Variants in CSMD2 observed in about 807,000 individuals in gnomAD.
CSMD2 encodes the protein CUB and Sushi multiple domains 2, also known as CUB and sushi domain-containing protein 2.
CSMD2 carries 130 observed loss-of-function variants against 398.5 expected under a neutral mutation model. The ratio of observed to expected loss-of-function variants is 0.33; its 90% CI spans 0.28 to 0.38. The LOEUF (loss-of-function observed/expected upper bound fraction) is 0.38, where lower values mean the gene tolerates loss of function less well. Among genes scored for constraint, CSMD2 ranks in the 10% least tolerant of loss-of-function variants. CSMD2 has a pLI of 1.00. For missense variants in CSMD2, 3,829 were observed against 4,764.9 expected, an observed-to-expected ratio of 0.80 and a Z score of 5.78; for synonymous variants, 1,828 against 1,908.5, an observed-to-expected ratio of 0.96 and a Z score of 1.10.
intron 3 of CSMD2, among the ~76,000 whole-genome samples, chr1:33,949,160 C>A (rs983881975): frequency 6.6e-6 from 1 of 152,202 alleles, no homozygotes; most frequent in Non-Finnish European, 1.5e-5. Flanking sequence ...GCTTAGAGAG[C>A]TGTTGAGAGG....
chr1:34,065,985 A>G (rs1272079156), intron 2 of CSMD2, among the ~76,000 whole-genome samples: 1 of 152,204 alleles, frequency 6.6e-6, no homozygotes, highest in Admixed American at 6.5e-5. Context: ...TGGTCAAGAC[A>G]TAATGGTCAA....
intron 13 of CSMD2, among the ~76,000 whole-genome samples, chr1:33,753,736 G>A (rs1648591151): frequency 6.6e-6 from 1 of 152,264 alleles, no homozygotes; most frequent in Non-Finnish European, 1.5e-5. Context: ...CAGAGGCACA[G>A]CTGTCCAAGG....
intron 44 of CSMD2, among the ~76,000 whole-genome samples, chr1:33,597,502 G>A (rs575727901): frequency 4.9e-4 from 74 of 152,316 alleles, no homozygotes; most frequent in Non-Finnish European, 9.1e-4. Context: ...TGAACACTCA[G>A]TAACACAGGA....
chr1:33,984,768 G>T (rs1226104532), intron 3 of CSMD2, among the ~76,000 whole-genome samples: 1 of 151,718 alleles, frequency 6.6e-6, no homozygotes, highest in Non-Finnish European at 1.5e-5. Flanking sequence ...GGGTGACAGA[G>T]TGAGACCCTG....
chr1:33,883,908 G>T (rs543219928), intron 5 of CSMD2, among the ~76,000 whole-genome samples: 1 of 152,316 alleles, frequency 6.6e-6, no homozygotes, highest in Non-Finnish European at 1.5e-5. Context: ...GAGAGGGTCA[G>T]CCCTAGAAGG....
chr1:33,898,181 C>A (rs1340022102), intron 5 of CSMD2, among the ~76,000 whole-genome samples: 1 of 152,184 alleles, frequency 6.6e-6, no homozygotes, highest in African/African-American at 2.4e-5. Flanking sequence ...ATTTCTCTTG[C>A]AGTCATGATA....
In CSMD2 at chr1:33,848,461, G is replaced by C. The variant is rs137929690; in HGVS notation, c.921-1465C>G. On this transcript the variant is annotated intron_variant, in intron 5 of 70. Transcript: ENST00000373381. ...TGATCTAGCCCAACTGGAAGCCAGAGAGCAAGAGAGCATACTGATGCAGCC... is the reference window on the plus strand; with the variant it reads ...TGATCTAGCCCAACTGGAAGCCAGACAGCAAGAGAGCATACTGATGCAGCC... Among the ~76,000 whole-genome samples, 84 of 152,294 alleles carry C rather than the reference G, an allele frequency of 5.5e-4. 2 individuals carry two copies. The East Asian group carries it at 8.7e-3, about 16-fold the overall frequency.
intron 1 of CSMD2, among the ~76,000 whole-genome samples, chr1:34,103,761 AAC>A (rs145354161): frequency 5.2e-4 from 79 of 151,556 alleles, no homozygotes; most frequent in Non-Finnish European, 1.1e-3. Context: ...AATGATGGCA[AAC>A]ACACACACAC....
chr1:33,865,175 C>T (rs926841999), intron 5 of CSMD2, among the ~76,000 whole-genome samples: 18 of 151,528 alleles, frequency 1.2e-4, no homozygotes, highest in East Asian at 5.9e-4. Flanking sequence ...AGGAACATGA[C>T]GTCTGACTCT....
At chr1:33,893,911 G>T (rs1642212569) in intron 5 of CSMD2, among the ~76,000 whole-genome samples, 1 of 152,190 alleles carries the variant, frequency 6.6e-6, no homozygotes. Context: ...GGCTGATACT[G>T]GACTTTGAGG....
At chr1:33,892,290 TAAA>T (rs1362757591) in intron 5 of CSMD2, among the ~76,000 whole-genome samples, 2 of 151,528 alleles carry the variant, frequency 1.3e-5, no homozygotes, top group African/African-American at 4.9e-5. Flanking sequence ...AAAATAGGAT[TAAA>T]AATTTTAATC....
chr1:34,132,089 G>A (rs749604614), intron 1 of CSMD2, among the ~76,000 whole-genome samples: 4 of 152,020 alleles, frequency 2.6e-5, no homozygotes, highest in African/African-American at 4.8e-5. Flanking sequence ...CTTCACTGAT[G>A]AGGTGACTCA....
rs1451589411 is a variant in CSMD2 at position 34,164,811 on chromosome 1, G to A, written c.187+100C>T. 46 of 1,029,812 alleles carry A rather than the reference G, an allele frequency of 4.5e-5. No individual in the cohort carries two copies. In the South Asian group the frequency reaches 5.3e-4, roughly 12 times the overall value. The allele number at this position is 1,029,812 out of a possible 1,614,324, so 63.8% of individuals were successfully genotyped here. ...AGGGTGGGAGATTCAGGCAGGGATA[G>A]AGGCGGGGGGAGGGACTGGGACCGG... On this transcript the variant is annotated intron_variant, in intron 1 of 70. Transcript: ENST00000373381. The surrounding 1 kb of genome is among the most constrained non-coding windows in gnomAD (Gnocchi z 6.2).
intron 5 of CSMD2, chr1:33,860,349 C>G (rs753644465): frequency 6.6e-6 from 1 of 152,000 alleles, no homozygotes; most frequent in Admixed American, 6.6e-5. Context: ...TTTCATAGAC[C>G]TTGGCTATGG....
At chr1:34,026,641 T>C (rs1255711589) in intron 3 of CSMD2, among the ~76,000 whole-genome samples, 2 of 152,216 alleles carry the variant, frequency 1.3e-5, no homozygotes, top group African/African-American at 4.8e-5. Context: ...TCTTCCCTCA[T>C]TGGCATTTCT....
intron 24 of CSMD2, among the ~76,000 whole-genome samples, chr1:33,694,290 TC>T (rs1645343842): frequency 6.6e-6 from 1 of 152,150 alleles, no homozygotes; most frequent in Admixed American, 6.5e-5. Flanking sequence ...GCATGGGTTT[TC>T]TCTTGTGGGG....
chr1:33,519,906 A>T lies in CSMD2; in HGVS notation c.10642T>A (p.Phe3548Ile). 6.2e-7 allele frequency: 1 copy of T among 1,614,130 alleles called. No homozygotes were observed. The highest frequency in any genetic ancestry group is 8.5e-7 in the Non-Finnish European group (1 of 1,180,032). Reference protein sequence around the residue: ...ESDPESIGRHFASNSSSVAAA... With the variant: ...ESDPESIGRHIASNSSSVAAA... ...GCCACTGAGCTGCTGTTGGAAGCAA[A>T]GTGGCGGCCAATGGACTCGGGGTCT... The change falls in exon 69 of 71, where the codon TTT becomes ATT. Residue 3548 changes from phenylalanine (F) to isoleucine (I), a missense_variant. Phe to Ile is a conservative substitution (Grantham distance 21, BLOSUM62 0). Around this residue, in one of 5 missense-constraint regions of CSMD2, gnomAD observed 917 missense variants for 1,199.5 expected, o/e 0.76. Coordinates refer to ENST00000373381, the MANE Select transcript of CSMD2 (RefSeq NM_001281956.2). The surrounding 1 kb of genome is among the most constrained non-coding windows in gnomAD (Gnocchi z 5.6).
chr1:33,779,578 T>C (rs961154735), intron 12 of CSMD2, among the ~76,000 whole-genome samples: 2 of 152,236 alleles, frequency 1.3e-5, no homozygotes, highest in African/African-American at 4.8e-5. Context: ...ACGTGGCACC[T>C]GCCATCCTCT....
intron 25 of CSMD2, among the ~76,000 whole-genome samples, chr1:33,673,661 A>G (rs1227231573): frequency 6.6e-6 from 1 of 152,212 alleles, no homozygotes; most frequent in Non-Finnish European, 1.5e-5. Flanking sequence ...CATAATTGTC[A>G]GATTCACCAA....
Sources: allele counts gnomAD v4.1 joint callset (sites outside exome capture counted in the v4.1 genomes callset), GRCh38; gene constraint gnomAD v4.1.1; regional missense constraint gnomAD v4.1.1; non-coding constraint Gnocchi (gnomAD v3.1); transcripts MANE v1.5; gene names NCBI Gene and HGNC (gene_info 2026-07-23, HGNC 2026-07-21).